Variants in GRIK2 observed in about 807,000 individuals in gnomAD.
The protein encoded by GRIK2 is glutamate ionotropic receptor kainate type subunit 2, also known as glutamate receptor ionotropic, kainate 2.
Under a neutral mutation model 100.3 loss-of-function variants are expected in GRIK2, and 32 were observed. That is an observed-to-expected ratio of 0.32 (90% confidence interval 0.24 to 0.43). The LOEUF (loss-of-function observed/expected upper bound fraction) is 0.43. Among genes scored for constraint, GRIK2 ranks in the 20% least tolerant of loss-of-function variants. The pLI is 1.00. For synonymous variants in GRIK2, 417 were observed against 389.4 expected (o/e 1.07, Z -0.83); for missense variants, 843 against 1,114.9 (o/e 0.76, Z 3.47).
At chr6:101,608,813 GTATGTA>G (rs754713707) in intron 2 of GRIK2, among the ~76,000 whole-genome samples, 11 of 110,664 alleles carry the variant, frequency 9.9e-5, no homozygotes, top group South Asian at 2.8e-4. Flanking sequence ...GTGTGTGTGT[GTATGTA>G]TGTATGTGTG....
At chr6:101,434,287 T>C (rs1166342194) in intron 2 of GRIK2, among the ~76,000 whole-genome samples, 1 of 152,186 alleles carries the variant, frequency 6.6e-6, no homozygotes, top group East Asian at 1.9e-4. Flanking sequence ...GTCTCTGTAA[T>C]CAACCCTAAA....
At chr6:101,745,051 T>G (rs1323470015) in intron 7 of GRIK2, 1 of 152,320 alleles carries the variant, frequency 6.6e-6, no homozygotes, top group East Asian at 1.9e-4. Context: ...TTTATTATAT[T>G]TGTCCATTTG....
intron 2 of GRIK2, among the ~76,000 whole-genome samples, chr6:101,558,364 A>G (rs1422817298): frequency 2.0e-5 from 3 of 152,214 alleles, no homozygotes; most frequent in Admixed American, 6.5e-5. Flanking sequence ...CAGGGAGCTG[A>G]GTGCTCTAAC....
intron 7 of GRIK2, among the ~76,000 whole-genome samples, chr6:101,758,582 T>C (rs1777286066): frequency 6.6e-6 from 1 of 152,174 alleles, no homozygotes; most frequent in Non-Finnish European, 1.5e-5. Context: ...AATGTGTCTA[T>C]GAGTGAAAGA....
chr6:102,027,337 A>G (rs1387700224), intron 14 of GRIK2, among the ~76,000 whole-genome samples: 3 of 151,188 alleles, frequency 2.0e-5, no homozygotes, highest in African/African-American at 7.3e-5. Flanking sequence ...TAATTCTGCC[A>G]GATTATTTAG....
intron 9 of GRIK2, among the ~76,000 whole-genome samples, chr6:101,811,715 T>A (rs1781334777): frequency 6.6e-6 from 1 of 151,896 alleles, no homozygotes; most frequent in African/African-American, 2.4e-5. Flanking sequence ...GAAGAAAAGA[T>A]GCTACTTTCA....
rs901217490 is a variant in GRIK2 at position 101,783,950 on chromosome 6, G to T, written c.952-15698G>T. Among the ~76,000 whole-genome samples, 6 of 152,202 alleles carry T rather than the reference G, an allele frequency of 3.9e-5. No homozygotes were observed. The East Asian group carries it at 1.2e-3, about 29-fold the overall frequency. On this transcript the variant is annotated intron_variant, in intron 7 of 16. Transcript: ENST00000369134. The stretch of plus-strand genomic sequence containing the variant: ...ATATACATTCACAAATAGATGGTTT[G>T]AAATTGGATCTTATGTTTAAAAATG...
intron 7 of GRIK2, among the ~76,000 whole-genome samples, chr6:101,739,244 A>C (rs1328635417): frequency 6.6e-6 from 1 of 152,236 alleles, no homozygotes; most frequent in African/African-American, 2.4e-5. Context: ...TGTTTCTGCC[A>C]CTGGAGAACA....
chr6:101,915,848 T>A (rs1789067727), intron 12 of GRIK2, among the ~76,000 whole-genome samples: 1 of 151,498 alleles, frequency 6.6e-6, no homozygotes, highest in South Asian at 2.1e-4. Flanking sequence ...AAATAAGCAA[T>A]CTATCCCGGA....
At chr6:101,710,860 A>G (rs1273162498) in intron 7 of GRIK2, among the ~76,000 whole-genome samples, 3 of 151,890 alleles carry the variant, frequency 2.0e-5, no homozygotes, top group Admixed American at 6.6e-5. Context: ...TTAAATAAGT[A>G]TGTTCATATC....
At chr6:101,428,381 G>A (rs1769175087) in intron 2 of GRIK2, among the ~76,000 whole-genome samples, 1 of 152,134 alleles carries the variant, frequency 6.6e-6, no homozygotes, top group African/African-American at 2.4e-5. Context: ...AGAATTAAAT[G>A]AGAGGAACAA....
chr6:101,995,759 C>T (rs1338534894), intron 14 of GRIK2, among the ~76,000 whole-genome samples: 3 of 151,396 alleles, frequency 2.0e-5, no homozygotes, highest in African/African-American at 7.3e-5. Flanking sequence ...TCCAAATTAC[C>T]TGGAGAAAAT....
At chr6:101,580,990 T>C (rs1021707871) in intron 2 of GRIK2, among the ~76,000 whole-genome samples, 8 of 152,042 alleles carry the variant, frequency 5.3e-5, no homozygotes, top group African/African-American at 1.4e-4. Context: ...AATTACCCTC[T>C]CTCATCCTCT....
chr6:101,722,881 C>T (rs1274007560), intron 7 of GRIK2, among the ~76,000 whole-genome samples: 2 of 152,016 alleles, frequency 1.3e-5, no homozygotes, highest in East Asian at 3.9e-4. Flanking sequence ...AAGATGTGAT[C>T]AGCATGGAAT....
intron 12 of GRIK2, among the ~76,000 whole-genome samples, chr6:101,909,437 A>G (rs1193691203): frequency 7.9e-6 from 1 of 127,270 alleles, no homozygotes; most frequent in Middle Eastern, 5.2e-3. Flanking sequence ...GTCTACTGCT[A>G]TAAGAAGTTG....
intron 2 of GRIK2, among the ~76,000 whole-genome samples, chr6:101,583,018 T>C (rs907950026): frequency 1.3e-5 from 2 of 151,896 alleles, no homozygotes; most frequent in Non-Finnish European, 2.9e-5. Flanking sequence ...AATTGAACAA[T>C]GAAATAAGGA....
intron 2 of GRIK2, among the ~76,000 whole-genome samples, chr6:101,595,445 G>T (rs1778872311): frequency 6.6e-6 from 1 of 151,632 alleles, no homozygotes; most frequent in South Asian, 2.1e-4. Context: ...AAAACAGATA[G>T]CTGGTCAAGT....
At chr6:101,546,246 C>A (rs535430924) in intron 2 of GRIK2, among the ~76,000 whole-genome samples, 1 of 152,062 alleles carries the variant, frequency 6.6e-6, no homozygotes, top group Non-Finnish European at 1.5e-5. Context: ...TAAGATGTTG[C>A]GGTTATCTCA....
chr6:102,062,442 T>A (rs1471253363), intron 16 of GRIK2, among the ~76,000 whole-genome samples: 1 of 150,494 alleles, frequency 6.6e-6, no homozygotes, highest in African/African-American at 2.4e-5. Flanking sequence ...CTGTCTTAGC[T>A]CTGAGACTAG....
Sources: gnomAD v4.1 joint callset for allele counts (sites outside exome capture counted in the v4.1 genomes callset) on GRCh38, gnomAD v4.1.1 for gene constraint, MANE v1.5 for transcripts, NCBI Gene and HGNC (gene_info 2026-07-23, HGNC 2026-07-21) for gene names.